Variants in TUBB3 observed in about 807,000 individuals in gnomAD.
The protein encoded by TUBB3 is tubulin beta-3 chain.
A neutral mutation model predicts 37.8 loss-of-function variants in TUBB3; 17 were observed. The observed-to-expected ratio is 0.45, with a 90% CI of 0.31 to 0.67. TUBB3 has a LOEUF of 0.67. Ranked by LOEUF, TUBB3 falls within the 30% of genes least tolerant of loss-of-function variation. The pLI, the probability that TUBB3 is intolerant of heterozygous loss-of-function variation, is 0.07. For missense variants in TUBB3, 262 were observed against 657.9 expected (o/e 0.40, Z 6.58); for synonymous variants, 332 against 278.9 (o/e 1.19, Z -1.90).
At chr16:89,930,089 C>T (rs1463919278) in intron 1 of TUBB3, among the ~76,000 whole-genome samples, 1 of 139,056 alleles carries the variant, frequency 7.2e-6, no homozygotes, top group Non-Finnish European at 1.5e-5. Flanking sequence ...TTCTTTCTTC[C>T]TTCATTCCTT....
chr16:89,931,253 C>T (rs532718439), intron 1 of TUBB3, among the ~76,000 whole-genome samples: 7 of 152,228 alleles, frequency 4.6e-5, no homozygotes, highest in South Asian at 2.1e-4. Context: ...CCACTGTGCC[C>T]GGCCCCACCA....
rs150562309 is a variant in TUBB3 at position 89,924,086 on chromosome 16, G to A, written c.57+628G>A. Among the ~76,000 whole-genome samples the A allele has an allele frequency of 2.6e-5, 4 of 152,330 alleles. No homozygotes were observed. The East Asian group carries it at 7.7e-4, about 30-fold the overall frequency. ...GCAGCCGCTCCTGGGCAACCCCCGC[G>A]GGGCTTGACCGCGCCCACCCAGGGT... On this transcript the variant is annotated intron_variant, in intron 1 of 3. Transcript: ENST00000315491.
intron 1 of TUBB3, among the ~76,000 whole-genome samples, chr16:89,928,869 G>T (rs540307362): frequency 6.6e-6 from 1 of 151,680 alleles, no homozygotes; most frequent in South Asian, 2.1e-4. Context: ...TCACCATGTT[G>T]GTCAGGCTGG....
intron 3 of TUBB3, chr16:89,934,046 G>A (rs2030367868): frequency 5.0e-6 from 2 of 402,346 alleles, no homozygotes; most frequent in East Asian, 7.1e-5. Flanking sequence ...ACGTTCCCAC[G>A]TCTGTGTCCT....
intron 3 of TUBB3, 196 bp from the exon 4 acceptor site, chr16:89,934,533 G>A (rs1039971220): frequency 2.6e-5 from 17 of 657,590 alleles, no homozygotes; most frequent in East Asian, 2.2e-4. Flanking sequence ...CAGAGCCCTC[G>A]TCCTGAGCAC....
At chr16:89,931,064 T>C (rs1336477626) in intron 1 of TUBB3, among the ~76,000 whole-genome samples, 2 of 152,130 alleles carry the variant, frequency 1.3e-5, no homozygotes, top group African/African-American at 4.8e-5. Context: ...CCTGACTTCG[T>C]GATCCACCCG....
chr16:89,935,648 G>C lies in TUBB3; in HGVS notation c.1197G>C (p.Thr399=), dbSNP rs371418131. Residue 399 remains threonine (T), a synonymous_variant, in exon 4 of 4, where the codon ACG becomes ACC. Coordinates refer to ENST00000315491, the MANE Select transcript of TUBB3 (RefSeq NM_006086.4). ...GCAAGGCCTTCCTGCACTGGTACACGGGCGAGGGCATGGACGAGATGGAGT... is the reference window on the plus strand; with the variant it reads ...GCAAGGCCTTCCTGCACTGGTACACCGGCGAGGGCATGGACGAGATGGAGT... ...FRRKAFLHWY[T]GEGMDEMEFT... 6.2e-7 allele frequency: 1 copy of C among 1,613,770 alleles called. No homozygotes were observed. The highest frequency in any genetic ancestry group is 8.5e-7 in the Non-Finnish European group (1 of 1,179,902).
At chr16:89,924,186 C>T (rs1424894394) in intron 1 of TUBB3, among the ~76,000 whole-genome samples, 1 of 152,212 alleles carries the variant, frequency 6.6e-6, no homozygotes, top group African/African-American at 2.4e-5. Flanking sequence ...GCGCGCCCCT[C>T]CCTCCATTGT....
chr16:89,932,714 T>C (rs776585037), intron 2 of TUBB3, 35 bp downstream of exon 2: 4 of 1,559,164 alleles, frequency 2.6e-6, no homozygotes, highest in South Asian at 1.1e-5. Context: ...ATCCCAGCCC[T>C]GGACTGACCA....
chr16:89,924,391 G>A (rs1314148402), intron 1 of TUBB3, among the ~76,000 whole-genome samples: 1 of 152,152 alleles, frequency 6.6e-6, no homozygotes, highest in Non-Finnish European at 1.5e-5. Context: ...CCAACCTGGG[G>A]CTCGGGCGGG....
Position 89,936,009 on chromosome 16 carries a change from A to G in TUBB3, c.*205A>G. The G allele has an allele frequency of 4.6e-6, 3 of 647,482 alleles. No individual in the cohort carries two copies. The highest frequency in any genetic ancestry group is 5.3e-6 in the Non-Finnish European group (2 of 378,808). 40.1% of individuals were successfully genotyped at this position (647,482 alleles called of 1,614,324 possible). A position where few individuals can be genotyped will look rare whatever the true frequency, so the allele number is the denominator to read the frequency against. On this transcript the variant is annotated 3_prime_UTR_variant, in exon 4 of 4. Transcript: ENST00000315491. ...CCTGTCTCTGTCTTATTGCAGCTCC[A>G]GGCCTGACGTTTTACGGTTTTGTTT...
rs149763065 is a variant in TUBB3 at position 89,925,779 on chromosome 16, C to G, written c.57+2321C>G. Among the ~76,000 whole-genome samples the G allele has an allele frequency of 1.8e-3, 277 of 152,334 alleles. 1 individual carries two copies. Among genetic ancestry groups the G allele is most frequent in the African/African-American group, 5.9e-3 (246 of 41,570 alleles). ...GATAGGGGGTGCAACGCGGCTGCTT[C>G]CCTGTCTGGGGTCCTCGGGCGGTGC... is the stretch of plus-strand genomic sequence containing the variant. On this transcript the variant is annotated intron_variant, in intron 1 of 3. Transcript: ENST00000315491.
In TUBB3 at chr16:89,933,365, G is replaced by T; in HGVS notation, c.167-103G>T. 4 of 964,030 alleles carry T rather than the reference G, an allele frequency of 4.1e-6. No individual in the cohort carries two copies. The South Asian group carries it at 5.1e-5, about 12-fold the overall frequency. The allele number at this position is 964,030 out of a possible 1,614,324, so 59.7% of individuals were successfully genotyped here. On this transcript the variant is annotated intron_variant, in intron 2 of 3. Transcript: ENST00000315491. ...CTGACTTCAGAGTACAGGCTCTTAG[G>T]ATGTGAGCAGGAGGATGGCAGGCGG...
At chr16:89,927,381 T>C (rs7197284) in intron 1 of TUBB3, among the ~76,000 whole-genome samples, 5,967 of 149,582 alleles carry the variant, frequency 0.04, 234 homozygotes, top group African/African-American at 0.094. Context: ...CAAGACCCTA[T>C]CTAAAAAAAA....
chr16:89,934,643 T>C (rs1484092782), intron 3 of TUBB3, 86 bp from the exon 4 acceptor site: 7 of 1,340,846 alleles, frequency 5.2e-6, no homozygotes, highest in Non-Finnish European at 6.3e-6. Context: ...CTGCCACGGC[T>C]GCCCTTGGGA....
intron 1 of TUBB3, among the ~76,000 whole-genome samples, chr16:89,930,061 T>TTC (rs71137690): frequency 1.7e-4 from 25 of 146,182 alleles, no homozygotes; most frequent in Non-Finnish European, 3.3e-4. Context: ...CCTTCCTTCC[T>TTC]CTCTCTCTCT....
At chr16:89,928,865 T>C (rs572943977) in intron 1 of TUBB3, among the ~76,000 whole-genome samples, 3 of 151,994 alleles carry the variant, frequency 2.0e-5, no homozygotes, top group Admixed American at 6.6e-5. Context: ...GGTTTCACCA[T>C]GTTGGTCAGG....
chr16:89,935,946 G>C lies in TUBB3; in HGVS notation c.*142G>C. On this transcript the variant is annotated 3_prime_UTR_variant, in exon 4 of 4. Coordinates refer to ENST00000315491, the MANE Select transcript of TUBB3 (RefSeq NM_006086.4). ...CTTGCCGCCCTCCTGCAGTATTTAT[G>C]GCCTCGTCCTCCCCACCTAGGCCAC... 1 of 1,091,108 alleles carries C rather than the reference G, an allele frequency of 9.2e-7. No homozygotes were observed. The allele number at this position is 1,091,108 out of a possible 1,614,324, so 67.6% of individuals were successfully genotyped here.
At chr16:89,933,812 G>A in intron 3 of TUBB3, 5 of 700,666 alleles carry the variant, frequency 7.1e-6, no homozygotes, top group East Asian at 2.7e-5. Flanking sequence ...AAAGCAGACA[G>A]AAGCTTACAG....
Sources: allele counts gnomAD v4.1 joint callset (sites outside exome capture counted in the v4.1 genomes callset), GRCh38; gene constraint gnomAD v4.1.1; transcripts MANE v1.5; gene names NCBI Gene and HGNC (gene_info 2026-07-23, HGNC 2026-07-21).